ITPRID1: variants seen among roughly 807,000 people sequenced by gnomAD.
The protein encoded by ITPRID1 is ITPR interacting domain containing 1, also known as protein ITPRID1.
ITPRID1 carries 96 observed loss-of-function variants against 95.4 expected under a neutral mutation model. The ratio of observed to expected loss-of-function variants is 1.01; its 90% CI spans 0.85 to 1.19. ITPRID1 has a LOEUF of 1.19. ITPRID1 is among the 50% of genes most tolerant of loss of function. The pLI is 0.00. For synonymous variants in ITPRID1, 510 were observed against 453.6 expected, an observed-to-expected ratio of 1.12 and a Z score of -1.58; for missense variants, 1,339 against 1,252.9, an observed-to-expected ratio of 1.07 and a Z score of -1.04.
chr7:31,534,085 C>G (rs758527269), intron 1 of ITPRID1, among the ~76,000 whole-genome samples: 2 of 152,142 alleles, frequency 1.3e-5, no homozygotes, highest in Non-Finnish European at 2.9e-5. Flanking sequence ...TTGTGTGCTC[C>G]CTGTGAAACT....
intron 4 of ITPRID1, 146 bp from the exon 5 acceptor site, chr7:31,554,712 A>C: frequency 1.1e-6 from 1 of 946,908 alleles, no homozygotes. Context: ...ATACTACTCT[A>C]GTCCCTGACT....
At chr7:31,575,716 CAAAT>C (rs1785157910) in intron 8 of ITPRID1, among the ~76,000 whole-genome samples, 1 of 152,202 alleles carries the variant, frequency 6.6e-6, no homozygotes, top group East Asian at 1.9e-4. Flanking sequence ...TTCTGATTCT[CAAAT>C]AAATTCTTTT....
intron 10 of ITPRID1, among the ~76,000 whole-genome samples, chr7:31,617,783 AAAGATAAAATGAAAATG>A (rs1787406227): frequency 6.6e-6 from 1 of 152,136 alleles, no homozygotes; most frequent in African/African-American, 2.4e-5. Flanking sequence ...TGAAGATAAT[AAAGATAAAATGAAAATG>A]AAGATAAAAT....
At position 31,540,515 on chromosome 7, in the gene ITPRID1, A is replaced by C. The variant is rs149978670; in HGVS notation, c.-97-8911A>C. Among the ~76,000 whole-genome samples, 355 of 152,348 alleles carry C rather than the reference A, an allele frequency of 2.3e-3. 4 individuals are homozygous for C. Among genetic ancestry groups the C allele is most frequent in the African/African-American group, 8.3e-3 (347 of 41,580 alleles). On this transcript the variant is annotated intron_variant, in intron 1 of 14. Coordinates refer to ENST00000615280, the MANE Select transcript of ITPRID1 (RefSeq NM_001257967.3). ...ACAACAGGTGTGCTATAGTTTTTGA[A>C]ACACAATTTTCTCTCTCCAGTTTCC...
intron 3 of ITPRID1, 41 bp from the exon 4 acceptor site, chr7:31,554,434 G>C (rs934782382): frequency 2.5e-6 from 4 of 1,601,992 alleles, no homozygotes; most frequent in Non-Finnish European, 3.4e-6. Context: ...CTTTTAGCTG[G>C]TTGTGCTTTG....
intron 1 of ITPRID1, among the ~76,000 whole-genome samples, chr7:31,531,698 AAG>A (rs144612256): frequency 0.25 from 37,601 of 152,034 alleles, 4,839 homozygotes; most frequent in Middle Eastern, 0.36. Flanking sequence ...GGGAGCAAGA[AAG>A]AGAGGGAGTC....
intron 10 of ITPRID1, among the ~76,000 whole-genome samples, chr7:31,592,427 C>G (rs1035562116): frequency 1.3e-5 from 2 of 152,192 alleles, no homozygotes; most frequent in African/African-American, 2.4e-5. Flanking sequence ...TATGTATCAG[C>G]TCTTTTTACT....
At chr7:31,583,309 C>A in intron 10 of ITPRID1, 118 bp downstream of exon 10, 1 of 664,410 alleles carries the variant, frequency 1.5e-6, no homozygotes. Flanking sequence ...ACTCTAAATT[C>A]ATGCATCTTC....
At chr7:31,581,893 A>G (rs1018806576) in intron 9 of ITPRID1, among the ~76,000 whole-genome samples, 1 of 152,130 alleles carries the variant, frequency 6.6e-6, no homozygotes, top group Non-Finnish European at 1.5e-5. Flanking sequence ...AATAGATTAC[A>G]AGTGTAAAGT....
chr7:31,643,058 A>G lies in ITPRID1; in HGVS notation c.1688A>G (p.Asp563Gly), dbSNP rs1373875772. The stretch of plus-strand genomic sequence containing the variant: ...AGACCCACAGCCACTTCCAAATATG[A>G]TCATCCTCTGGGGTTTATGGTAACC... ...VTRPTATSKY[D>G]HPLGFMVTHV... The change falls in exon 12 of 15, where the codon GAT (aspartate) becomes GGT (glycine). Residue 563 changes from aspartate (D) to glycine (G), a missense_variant. By Grantham distance (94) the Asp-to-Gly change is moderately conservative. Coordinates refer to ENST00000615280, the MANE Select transcript of ITPRID1 (RefSeq NM_001257967.3). 1 of 1,613,854 alleles carries G rather than the reference A, an allele frequency of 6.2e-7. No homozygotes were observed. Among genetic ancestry groups the G allele is most frequent in the Non-Finnish European group, 8.5e-7 (1 of 1,179,900 alleles).
At chr7:31,575,093 T>C (rs1170458890) in intron 8 of ITPRID1, among the ~76,000 whole-genome samples, 2 of 152,174 alleles carry the variant, frequency 1.3e-5, no homozygotes, top group Non-Finnish European at 2.9e-5. Flanking sequence ...TCACATTTCA[T>C]TGGCCAAAAT....
At chr7:31,610,260 T>C (rs1786808714) in intron 10 of ITPRID1, among the ~76,000 whole-genome samples, 1 of 151,520 alleles carries the variant, frequency 6.6e-6, no homozygotes, top group South Asian at 2.1e-4. Context: ...CTCATAGATA[T>C]TATTTTTTTA....
At chr7:31,516,704 C>G (rs976133073) in intron 1 of ITPRID1, among the ~76,000 whole-genome samples, 3 of 152,206 alleles carry the variant, frequency 2.0e-5, no homozygotes, top group Non-Finnish European at 4.4e-5. Flanking sequence ...TCCATTTGCA[C>G]TTTCTACAAC....
intron 10 of ITPRID1, among the ~76,000 whole-genome samples, chr7:31,616,119 G>A (rs894809933): frequency 1.3e-4 from 20 of 152,050 alleles, no homozygotes; most frequent in African/African-American, 3.9e-4. Context: ...ATGTTGCAAG[G>A]TTCCTACTGT....
At chr7:31,519,620 C>CTCTCTCTCTCCATATATATATA in intron 1 of ITPRID1, among the ~76,000 whole-genome samples, 3 of 25,268 alleles carry the variant, frequency 1.2e-4, no homozygotes, top group Non-Finnish European at 2.2e-4. Context: ...CTCTCTCTCT[C>CTCTCTCTCTCCATATATATATA]TATATATATA....
intron 10 of ITPRID1, among the ~76,000 whole-genome samples, chr7:31,628,087 G>A (rs1583645459): frequency 6.6e-6 from 1 of 152,342 alleles, no homozygotes; most frequent in Non-Finnish European, 1.5e-5. Context: ...TGGAGCCTGT[G>A]AAAGTTGGAG....
intron 10 of ITPRID1, among the ~76,000 whole-genome samples, chr7:31,599,895 T>A (rs897023287): frequency 6.6e-6 from 1 of 152,008 alleles, no homozygotes; most frequent in Non-Finnish European, 1.5e-5. Flanking sequence ...AGACGGGGTT[T>A]CACTATGTTA....
chr7:31,591,848 T>G (rs1785878939), intron 10 of ITPRID1, among the ~76,000 whole-genome samples: 1 of 152,150 alleles, frequency 6.6e-6, no homozygotes, highest in South Asian at 2.1e-4. Flanking sequence ...ATAACTGTTG[T>G]AACAAAAATG....
rs114789891 is a variant in ITPRID1, at chr7:31,516,648, A to G, written c.-98+2528A>G. 1.8e-3 allele frequency among the ~76,000 whole-genome samples: 270 copies of G among 152,334 alleles called. 2 individuals carry two copies. Among genetic ancestry groups the G allele is most frequent in the African/African-American group, 6.4e-3 (265 of 41,578 alleles). On this transcript the variant is annotated intron_variant, in intron 1 of 14. Transcript: ENST00000615280. ...ATAAACTTAAAAAAAAAATTGTCTG[A>G]ATACAAATAGTACATGCTTAGATAA...
Sources: gnomAD v4.1 joint callset for allele counts (sites outside exome capture counted in the v4.1 genomes callset) on GRCh38, gnomAD v4.1.1 for gene constraint, MANE v1.5 for transcripts, NCBI Gene and HGNC (gene_info 2026-07-23, HGNC 2026-07-21) for gene names.